SOCS3: variants seen among roughly 807,000 people sequenced by gnomAD.
SOCS3 encodes STAT-induced STAT inhibitor 3.
A neutral mutation model predicts 11.7 loss-of-function variants in SOCS3; 5 were observed. The ratio of observed to expected loss-of-function variants is 0.43; its 90% CI spans 0.22 to 0.90. SOCS3 has a LOEUF of 0.90. SOCS3 is among the 40% of genes least tolerant of loss of function. The pLI, the probability that SOCS3 is intolerant of heterozygous loss-of-function variation, is 0.27. For synonymous variants in SOCS3, 143 were observed against 136.3 expected (o/e 1.05, Z -0.34); for missense variants, 203 against 302.0 (o/e 0.67, Z 2.43).
chr17:78,360,071 C>A lies in SOCS3; in HGVS notation c.-410G>T. On this transcript the variant is annotated 5_prime_UTR_variant, in exon 1 of 2. Transcript: ENST00000330871. The surrounding 1 kb of genome is among the most constrained non-coding windows in gnomAD (Gnocchi z 5.6). ...CAGCAGCGGAGCAGGGAGTCCAAGT[C>A]GGAGCCGCCGCGGAGGCCGCGCTCG... 1 of 179,172 alleles carries A rather than the reference C, an allele frequency of 5.6e-6. No homozygotes were observed. Among genetic ancestry groups the A allele is most frequent in the South Asian group, 1.9e-4 (1 of 5,146 alleles). The allele number at this position is 179,172 out of a possible 1,614,324, so 11.1% of individuals were successfully genotyped here. A position where few individuals can be genotyped will look rare whatever the true frequency, so the allele number is the denominator to read the frequency against.
At position 78,360,006 on chromosome 17, in the gene SOCS3, G is replaced by T. The variant is rs923850120; in HGVS notation, c.-345C>A. The T allele has an allele frequency of 3.2e-4, 65 of 203,734 alleles. No individual in the cohort carries two copies. Among genetic ancestry groups the T allele is most frequent in the African/African-American group, 1.5e-3 (62 of 42,352 alleles). The allele number at this position is 203,734 out of a possible 1,614,324, so 12.6% of individuals were successfully genotyped here. ...GGGGCCGCGGCGGGAGCTGGGCCGG[G>T]CGGGCGGCTGGCGGCTGGCTGCGTG... On this transcript the variant is annotated 5_prime_UTR_variant, in exon 1 of 2. Coordinates refer to ENST00000330871, the MANE Select transcript of SOCS3 (RefSeq NM_003955.5). The surrounding 1 kb of genome is among the most constrained non-coding windows in gnomAD (Gnocchi z 5.6).
Position 78,359,933 on chromosome 17 carries a change from C to G in SOCS3, c.-272G>C, listed in dbSNP as rs2081598373. ...CCCTGGGCGCCCGCCCTGCCCCCTG[C>G]GCACCCCCGGACCAACCGGGAGGGG... is the stretch of plus-strand genomic sequence containing the variant. On this transcript the variant is annotated 5_prime_UTR_variant, in exon 1 of 2. Coordinates refer to ENST00000330871, the MANE Select transcript of SOCS3 (RefSeq NM_003955.5). The G allele has an allele frequency of 5.8e-6, 1 of 173,808 alleles. No individual in the cohort carries two copies. The highest frequency in any genetic ancestry group is 1.2e-5 in the Non-Finnish European group (1 of 81,624). The allele number at this position is 173,808 out of a possible 1,614,324, so 10.8% of individuals were successfully genotyped here.
chr17:78,359,229 A>G, intron 1 of SOCS3, 46 bp from the exon 2 acceptor site: 1 of 932,446 alleles, frequency 1.1e-6, no homozygotes, highest in Non-Finnish European at 1.5e-6. Flanking sequence ...GGAACCCTCC[A>G]GCGCGCCCGG....
rs2081583402 is a variant in SOCS3 at position 78,358,337 on chromosome 17, T to C, written c.*81A>G. On this transcript the variant is annotated 3_prime_UTR_variant, in exon 2 of 2. Coordinates refer to ENST00000330871, the MANE Select transcript of SOCS3 (RefSeq NM_003955.5). This position sits in a 1 kb window ranked among gnomAD's most constrained non-coding sequence, Gnocchi z 4.7. ...CTACAGGACTCTCTCCTGGTTGGCT[T>C]CTTGTGCTTGTGCCATGTGCCACGG... is the stretch of plus-strand genomic sequence containing the variant. 1 of 1,428,556 alleles carries C rather than the reference T, an allele frequency of 7.0e-7. No individual in the cohort carries two copies. Among genetic ancestry groups the C allele is most frequent in the South Asian group, 1.2e-5 (1 of 85,936 alleles). The allele number at this position is 1,428,556 out of a possible 1,614,324, so 88.5% of individuals were successfully genotyped here.
At position 78,358,307 on chromosome 17, in the gene SOCS3, C is replaced by G. The variant is rs750548546; in HGVS notation, c.*111G>C. 1.5e-4 allele frequency: 155 copies of G among 1,025,160 alleles called. 1 individual carries two copies. The highest frequency in any genetic ancestry group is 2.2e-4 in the Non-Finnish European group (152 of 677,902). 63.5% of individuals were successfully genotyped at this position (1,025,160 alleles called of 1,614,324 possible). On this transcript the variant is annotated 3_prime_UTR_variant, in exon 2 of 2. Coordinates refer to ENST00000330871, the MANE Select transcript of SOCS3 (RefSeq NM_003955.5). This position sits in a 1 kb window ranked among gnomAD's most constrained non-coding sequence, Gnocchi z 4.7. ...GGGGCCTGTCCGCCCTCTTTCCCCC[C>G]AGAGCTACAGGACTCTCTCCTGGTT...
chr17:78,360,084 G>T (rs1334065759), upstream of SOCS3: 2 of 177,058 alleles, frequency 1.1e-5, no homozygotes, highest in Non-Finnish European at 2.4e-5. The surrounding 1 kb of genome is among the most constrained non-coding windows in gnomAD (Gnocchi z 5.6). Flanking sequence ...AGCCGCCGCG[G>T]AGGCCGCGCT....
chr17:78,357,188 T>C lies in SOCS3; in HGVS notation c.*1230A>G, dbSNP rs1337085026. 6.6e-6 allele frequency: 1 copy of C among 152,110 alleles called. No individual in the cohort carries two copies. Among genetic ancestry groups the C allele is most frequent in the Non-Finnish European group, 1.5e-5 (1 of 68,018 alleles). The allele number at this position is 152,110 out of a possible 1,614,324, so 9.4% of individuals were successfully genotyped here. ...ATCGCTGCTACATTCCTGTAAATTG[T>C]CACTGATCAGTGCTATGGCAGAGCG... On this transcript the variant is annotated 3_prime_UTR_variant, in exon 2 of 2. Coordinates refer to ENST00000330871, the MANE Select transcript of SOCS3 (RefSeq NM_003955.5). The surrounding 1 kb of genome is among the most constrained non-coding windows in gnomAD (Gnocchi z 7.0).
At chr17:78,359,232 G>A in intron 1 of SOCS3, 49 bp from the exon 2 acceptor site, 2 of 892,462 alleles carry the variant, frequency 2.2e-6, no homozygotes, top group East Asian at 3.2e-5. Context: ...ACCCTCCAGC[G>A]CGCCCGGCCC....
At chr17:78,360,511 CT>C (rs1369379212), upstream of SOCS3, 1 of 152,102 alleles carries the variant, frequency 6.6e-6, no homozygotes, top group African/African-American at 2.4e-5. The surrounding 1 kb of genome is among the most constrained non-coding windows in gnomAD (Gnocchi z 5.6). Context: ...CCCGGTTCCC[CT>C]TCCCCTTTTC....
chr17:78,358,466 C>A lies in SOCS3; in HGVS notation c.630G>T (p.Leu210=), dbSNP rs962347580. Reference sequence around the variant, plus strand: ...CCAGGAACTCCCGAATGGGCCCCGGCAGCTGGGTGACTTTCTCATAGGAGT... The same window carrying A: ...CCAGGAACTCCCGAATGGGCCCCGGAAGCTGGGTGACTTTCTCATAGGAGT... ...HLDSYEKVTQ[L]PGPIREFLDQ... The change falls in exon 2 of 2, where the codon CTG becomes CTT. Residue 210 remains leucine, a synonymous_variant. Transcript: ENST00000330871. The surrounding 1 kb of genome is among the most constrained non-coding windows in gnomAD (Gnocchi z 4.7). The A allele has an allele frequency of 1.9e-6, 3 of 1,613,720 alleles. No individual in the cohort carries two copies. The highest frequency in any genetic ancestry group is 2.5e-6 in the Non-Finnish European group (3 of 1,179,998).
In SOCS3 at chr17:78,358,826, G is replaced by T. The variant is rs759720828; in HGVS notation, c.270C>A (p.Thr90=). 6.2e-7 allele frequency: 1 copy of T among 1,613,196 alleles called. No homozygotes were observed. The highest frequency in any genetic ancestry group is 8.5e-7 in the Non-Finnish European group (1 of 1,179,908). ...CCTCACACTGGATGCGCAGGTTCTT[G>T]GTCCCAGACTGGGTCTTGACGCTGA... is the stretch of plus-strand genomic sequence containing the variant. The part of the protein sequence containing the change: ...FTLSVKTQSG[T]KNLRIQCEGG... Residue 90 remains threonine, a synonymous_variant, in exon 2 of 2, where the codon ACC becomes ACA. Transcript: ENST00000330871. The surrounding 1 kb of genome is among the most constrained non-coding windows in gnomAD (Gnocchi z 4.7).
rs1191565758 is a variant in SOCS3, at chr17:78,359,972, C to G, written c.-311G>C. The G allele has an allele frequency of 5.2e-6, 1 of 191,654 alleles. No homozygotes were observed. The highest frequency in any genetic ancestry group is 6.2e-5 in the Admixed American group (1 of 16,086). 11.9% of individuals were successfully genotyped at this position (191,654 alleles called of 1,614,324 possible). On this transcript the variant is annotated 5_prime_UTR_variant, in exon 1 of 2. Transcript: ENST00000330871. ...AACCGGGAGGGGACCAGGAGAGGGA[C>G]CGCGGCAAGGGGCCGCGGCGGGAGC...
rs943570379 is a variant in SOCS3 at position 78,358,305 on chromosome 17, C to T, written c.*113G>A. Reference sequence around the variant, plus strand: ...GAGGGGCCTGTCCGCCCTCTTTCCCCCCAGAGCTACAGGACTCTCTCCTGG... The same window carrying T: ...GAGGGGCCTGTCCGCCCTCTTTCCCTCCAGAGCTACAGGACTCTCTCCTGG... On this transcript the variant is annotated 3_prime_UTR_variant, in exon 2 of 2. Transcript: ENST00000330871. The surrounding 1 kb of genome is among the most constrained non-coding windows in gnomAD (Gnocchi z 4.7). 4.9e-6 allele frequency: 5 copies of T among 1,011,424 alleles called. No individual in the cohort carries two copies. The highest frequency in any genetic ancestry group is 7.5e-6 in the Non-Finnish European group (5 of 666,716). 62.7% of individuals were successfully genotyped at this position (1,011,424 alleles called of 1,614,324 possible).
At chr17:78,360,249 G>T (rs986957362), upstream of SOCS3, among the ~76,000 whole-genome samples, 1 of 150,852 alleles carries the variant, frequency 6.6e-6, no homozygotes, top group Non-Finnish European at 1.5e-5. The surrounding 1 kb of genome is among the most constrained non-coding windows in gnomAD (Gnocchi z 5.6). Flanking sequence ...GCCGCGAGCA[G>T]GGGCAGGGAC....
In SOCS3 at chr17:78,358,347, G is replaced by T; in HGVS notation, c.*71C>A. The stretch of plus-strand genomic sequence containing the variant: ...CTCTCCTGGTTGGCTTCTTGTGCTT[G>T]TGCCATGTGCCACGGAGGAGAGGGG... On this transcript the variant is annotated 3_prime_UTR_variant, in exon 2 of 2. Coordinates refer to ENST00000330871, the MANE Select transcript of SOCS3 (RefSeq NM_003955.5). The surrounding 1 kb of genome is among the most constrained non-coding windows in gnomAD (Gnocchi z 4.7). The T allele has an allele frequency of 1.3e-6, 2 of 1,500,184 alleles. No homozygotes were observed. Among genetic ancestry groups the T allele is most frequent in the Non-Finnish European group, 1.8e-6 (2 of 1,082,658 alleles). The allele number at this position is 1,500,184 out of a possible 1,614,324, so 92.9% of individuals were successfully genotyped here.
chr17:78,359,134 GCAGCTGCTTCGCGGCCTC>G lies in SOCS3; in HGVS notation c.-57_-40del. On this transcript the variant is annotated 5_prime_UTR_variant, in exon 2 of 2. Transcript: ENST00000330871. ...AGCGTGGATCTGCGCGGCGGCGGCT[GCAGCTGCTTCGCGGCCTC>G]CGCACAGCGGCCGCTACCGCATCCC... is the stretch of plus-strand genomic sequence containing the variant. 6.6e-7 allele frequency: 1 copy of G among 1,522,358 alleles called. No homozygotes were observed. The allele number at this position is 1,522,358 out of a possible 1,614,324, so 94.3% of individuals were successfully genotyped here.
Position 78,358,594 on chromosome 17 carries a change from A to G in SOCS3, c.502T>C (p.Tyr168His). ...GSPPRRAYYI[Y>H]SGGEKIPLVL... Reference sequence around the variant, plus strand: ...AGGGGGATCTTCTCGCCCCCGGAGTAGATGTAATAGGCTCTTCTGGGGGGA... The same window carrying G: ...AGGGGGATCTTCTCGCCCCCGGAGTGGATGTAATAGGCTCTTCTGGGGGGA... The change falls in exon 2 of 2, where the codon TAC (tyrosine) becomes CAC (histidine). Residue 168 changes from tyrosine (Y) to histidine (H), a missense_variant. Coordinates refer to ENST00000330871, the MANE Select transcript of SOCS3 (RefSeq NM_003955.5). This position sits in a 1 kb window ranked among gnomAD's most constrained non-coding sequence, Gnocchi z 4.7. The G allele has an allele frequency of 6.2e-7, 1 of 1,612,690 alleles. No individual in the cohort carries two copies. Among genetic ancestry groups the G allele is most frequent in the Non-Finnish European group, 8.5e-7 (1 of 1,179,780 alleles).
At chr17:78,359,212 A>G (rs1246533081) in intron 1 of SOCS3, 29 bp from the exon 2 acceptor site, 1 of 1,166,702 alleles carries the variant, frequency 8.6e-7, no homozygotes, top group East Asian at 2.6e-5. Context: ...GAGCGCGTTG[A>G]GTGCCCGGAA....
Position 78,358,389 on chromosome 17 carries a change from C to A in SOCS3, c.*29G>T, listed in dbSNP as rs568510190. 3 of 1,610,242 alleles carry A rather than the reference C, an allele frequency of 1.9e-6. No homozygotes were observed. The Admixed American group carries it at 5.0e-5, about 27-fold the overall frequency. On this transcript the variant is annotated 3_prime_UTR_variant, in exon 2 of 2. Transcript: ENST00000330871. This position sits in a 1 kb window ranked among gnomAD's most constrained non-coding sequence, Gnocchi z 4.7. ...GGAGAGGGGCCTGCGTCCCCTCTCC[C>A]GACCCATGCCCTTTGCGCCCTTTAC...
Sources: allele counts gnomAD v4.1 joint callset (sites outside exome capture counted in the v4.1 genomes callset), GRCh38; gene constraint gnomAD v4.1.1; non-coding constraint Gnocchi (gnomAD v3.1); transcripts MANE v1.5; gene names NCBI Gene and HGNC (gene_info 2026-07-23, HGNC 2026-07-21).